MBD5: variants seen among roughly 807,000 people sequenced by gnomAD.
MBD5 encodes methyl-CpG-binding domain protein 5.
Under a neutral mutation model 117.3 loss-of-function variants are expected in MBD5, and 13 were observed. The ratio of observed to expected loss-of-function variants is 0.11; its 90% confidence interval spans 0.07 to 0.18. MBD5 has a LOEUF of 0.18. MBD5 is among the 10% of genes least tolerant of loss of function. The probability of loss-of-function intolerance (pLI) is 1.00; values close to 1 mark genes in which losing one functional copy is unlikely to be tolerated. For synonymous variants in MBD5, 727 were observed against 766.4 expected, an observed-to-expected ratio of 0.95 and a Z score of 0.85; for missense variants, 1,879 against 2,093.8, an observed-to-expected ratio of 0.90 and a Z score of 2.00.
rs930550220 is a variant in MBD5 at position 148,514,527 on chromosome 2, G to A, written c.*1586G>A. ...TGCCCCAAACCCTTAAACCCCTAGA[G>A]AGCACTGCCTCGTCCTCTAGCCTGG... On this transcript the variant is annotated 3_prime_UTR_variant, in exon 14 of 14. Transcript: ENST00000642680. The A allele has an allele frequency of 5.3e-5, 8 of 152,134 alleles. No individual in the cohort carries two copies. The highest frequency in any genetic ancestry group is 1.0e-4 in the Non-Finnish European group (7 of 68,052). 9.4% of individuals were successfully genotyped at this position (152,134 alleles called of 1,614,324 possible).
At chr2:148,376,196 A>C (rs572758401) in intron 4 of MBD5, among the ~76,000 whole-genome samples, 2 of 151,894 alleles carry the variant, frequency 1.3e-5, no homozygotes, top group South Asian at 4.2e-4. Flanking sequence ...CTTTGTAAAA[A>C]TTTGTTAAGC....
chr2:148,498,324 TA>T (rs1207680093), intron 11 of MBD5, among the ~76,000 whole-genome samples: 1 of 152,240 alleles, frequency 6.6e-6, no homozygotes, highest in Non-Finnish European at 1.5e-5. Context: ...CAGCTCTATT[TA>T]AAAGTGATCT....
At chr2:148,389,186 G>GGTGTGT (rs70995313) in intron 4 of MBD5, among the ~76,000 whole-genome samples, 39 of 89,582 alleles carry the variant, frequency 4.4e-4, no homozygotes, top group South Asian at 2.1e-3. Flanking sequence ...AGTATTCCGT[G>GGTGTGT]GTGTGTGTGT....
chr2:148,306,403 G>A (rs114225528), intron 3 of MBD5, among the ~76,000 whole-genome samples: 60 of 152,100 alleles, frequency 3.9e-4, no homozygotes, highest in African/African-American at 1.3e-3. Context: ...TCAAAGCCTT[G>A]GTAATGTAAT....
intron 11 of MBD5, among the ~76,000 whole-genome samples, chr2:148,493,846 C>T (rs113194110): frequency 0.023 from 3,437 of 152,150 alleles, 131 homozygotes; most frequent in African/African-American, 0.077. Flanking sequence ...CTGCAGAGAA[C>T]TAGAAAAAAA....
intron 1 of MBD5, among the ~76,000 whole-genome samples, chr2:148,150,802 A>G (rs932353185): frequency 1.3e-5 from 2 of 152,110 alleles, no homozygotes; most frequent in Admixed American, 6.6e-5. Flanking sequence ...GTATCCTGAG[A>G]CTTTGCTGAA....
At chr2:148,040,261 G>C (rs1312291089) in intron 1 of MBD5, among the ~76,000 whole-genome samples, 1 of 152,110 alleles carries the variant, frequency 6.6e-6, no homozygotes, top group Non-Finnish European at 1.5e-5. Flanking sequence ...AGAAGGAAGA[G>C]GTGGGAAGAC....
At chr2:148,344,271 T>A (rs113565958) in intron 4 of MBD5, among the ~76,000 whole-genome samples, 5 of 151,982 alleles carry the variant, frequency 3.3e-5, no homozygotes, top group Non-Finnish European at 5.9e-5. Flanking sequence ...TTGTTCTTTT[T>A]GCTTTGGATT....
chr2:148,106,088 C>T (rs1332470426), intron 1 of MBD5, among the ~76,000 whole-genome samples: 1 of 142,724 alleles, frequency 7.0e-6, no homozygotes, highest in African/African-American at 2.5e-5. Flanking sequence ...TGGAAACATA[C>T]TTAAAAATAA....
At chr2:148,482,345 T>C (rs1039370393) in intron 8 of MBD5, among the ~76,000 whole-genome samples, 1 of 152,130 alleles carries the variant, frequency 6.6e-6, no homozygotes, top group Non-Finnish European at 1.5e-5. Flanking sequence ...AAGTACAGTA[T>C]ATCATACATG....
chr2:148,230,710 C>T (rs2106136981), intron 2 of MBD5, among the ~76,000 whole-genome samples: 1 of 151,784 alleles, frequency 6.6e-6, no homozygotes, highest in South Asian at 2.1e-4. Flanking sequence ...CAATGTAGTA[C>T]CTGGGTATTA....
chr2:148,256,544 G>C (rs940014336), intron 3 of MBD5, among the ~76,000 whole-genome samples: 2 of 152,216 alleles, frequency 1.3e-5, no homozygotes, highest in Non-Finnish European at 2.9e-5. Flanking sequence ...AGACCACCCA[G>C]CTATTGATAC....
chr2:148,313,405 G>A (rs1046172924), intron 3 of MBD5, among the ~76,000 whole-genome samples: 3 of 152,164 alleles, frequency 2.0e-5, no homozygotes, highest in African/African-American at 7.2e-5. Context: ...GCCAAGCTGT[G>A]GTGGGCTTCG....
intron 4 of MBD5, among the ~76,000 whole-genome samples, chr2:148,403,656 T>C (rs1278795297): frequency 6.6e-6 from 1 of 152,238 alleles, no homozygotes; most frequent in South Asian, 2.1e-4. Context: ...AATGGCAACA[T>C]CTGGTAAAAT....
chr2:148,338,074 G>C (rs1426793243), intron 3 of MBD5, among the ~76,000 whole-genome samples: 3 of 152,028 alleles, frequency 2.0e-5, no homozygotes, highest in African/African-American at 7.2e-5. Context: ...GAATTTTTCA[G>C]GTTCTGTTAC....
chr2:148,212,611 T>C (rs1445937484), intron 2 of MBD5, among the ~76,000 whole-genome samples: 1 of 152,216 alleles, frequency 6.6e-6, no homozygotes, highest in Non-Finnish European at 1.5e-5. Context: ...TATATGTGTA[T>C]GTTTTAATTT....
At chr2:148,451,570 T>G (rs1332705662) in intron 4 of MBD5, among the ~76,000 whole-genome samples, 2 of 152,158 alleles carry the variant, frequency 1.3e-5, no homozygotes, top group Non-Finnish European at 2.9e-5. Flanking sequence ...CCAATAATGA[T>G]GGAAAGATTA....
At chr2:148,317,700 C>T (rs969259210) in intron 3 of MBD5, among the ~76,000 whole-genome samples, 4 of 150,730 alleles carry the variant, frequency 2.7e-5, no homozygotes, top group African/African-American at 7.3e-5. Context: ...TGTGTGAAAA[C>T]ATGCAGCATT....
At chr2:148,454,496 C>T (rs1039398996) in intron 4 of MBD5, among the ~76,000 whole-genome samples, 2 of 151,920 alleles carry the variant, frequency 1.3e-5, no homozygotes, top group African/African-American at 4.8e-5. Flanking sequence ...TAGTATATAC[C>T]AGTATTTATA....
Sources: gnomAD v4.1 joint callset for allele counts (sites outside exome capture counted in the v4.1 genomes callset) on GRCh38, gnomAD v4.1.1 for gene constraint, MANE v1.5 for transcripts, NCBI Gene and HGNC (gene_info 2026-07-23, HGNC 2026-07-21) for gene names.